Variants in BFAR observed in about 807,000 individuals in gnomAD.
BFAR encodes the protein RING finger protein 47.
BFAR carries 52 observed loss-of-function variants against 54.4 expected under a neutral mutation model. That is an observed-to-expected ratio of 0.96 (90% CI 0.77 to 1.21). BFAR has a LOEUF of 1.21. BFAR is among the 50% of genes most tolerant of loss of function. The probability of loss-of-function intolerance (pLI) is 0.00; values close to 1 mark genes in which losing one functional copy is unlikely to be tolerated. For missense variants in BFAR, 571 were observed against 534.0 expected (o/e 1.07, Z -0.68); for synonymous variants, 215 against 204.3 (o/e 1.05, Z -0.45).
chr16:14,647,685 A>G (rs558106544), intron 2 of BFAR, among the ~76,000 whole-genome samples: 1 of 151,762 alleles, frequency 6.6e-6, no homozygotes, highest in East Asian at 2.0e-4. Context: ...CTCAAAAAAA[A>G]AAAAAAACAA....
rs376559546 is a variant in BFAR at position 14,644,668 on chromosome 16, C to CTT, written c.263+76_263+77dup. ...CCCATAAAATGTGGTTTCTCTCTTG[C>CTT]TTTTTTTTTTTTTTTTTTAACAGAG... On this transcript the variant is annotated intron_variant, in intron 2 of 7. Coordinates refer to ENST00000261658, the MANE Select transcript of BFAR (RefSeq NM_016561.3). 1,222 of 1,329,092 alleles carry CTT rather than the reference C, an allele frequency of 9.2e-4. 1 individual carries two copies. Among genetic ancestry groups the CTT allele is most frequent in the Admixed American group, 4.8e-3 (211 of 43,576 alleles). The allele number at this position is 1,329,092 out of a possible 1,614,324, so 82.3% of individuals were successfully genotyped here. A position where few individuals can be genotyped will look rare whatever the true frequency, so the allele number is the denominator to read the frequency against.
At chr16:14,637,862 A>G (rs1959501599) in intron 1 of BFAR, among the ~76,000 whole-genome samples, 1 of 150,922 alleles carries the variant, frequency 6.6e-6, no homozygotes, top group Non-Finnish European at 1.5e-5. Flanking sequence ...TTTTTCCTGC[A>G]ATGTATTTTA....
At chr16:14,657,402 C>T (rs1960159339) in intron 5 of BFAR, among the ~76,000 whole-genome samples, 1 of 151,874 alleles carries the variant, frequency 6.6e-6, no homozygotes, top group Non-Finnish European at 1.5e-5. Context: ...GCGCCCACCA[C>T]CGTGCCCGGC....
At chr16:14,651,253 T>C (rs758366546) in intron 4 of BFAR, among the ~76,000 whole-genome samples, 5 of 152,322 alleles carry the variant, frequency 3.3e-5, no homozygotes, top group South Asian at 2.1e-4. Flanking sequence ...ATTCCCTCTT[T>C]GGGTTCAATT....
rs1279645808 is a variant in BFAR, at chr16:14,641,557, A to G, written c.-73-2717A>G. On this transcript the variant is annotated intron_variant, in intron 1 of 7. Coordinates refer to ENST00000261658, the MANE Select transcript of BFAR (RefSeq NM_016561.3). ...CAGAGTGAGACTCCATCTCAAAAAA[A>G]AAAAAAAAAAGTATACTATAGAGGC... is the stretch of plus-strand genomic sequence containing the variant. Among the ~76,000 whole-genome samples the G allele has an allele frequency of 2.0e-5, 3 of 150,538 alleles. No homozygotes were observed. The East Asian group carries it at 5.9e-4, about 30-fold the overall frequency.
chr16:14,664,963 G>A lies in BFAR; in HGVS notation c.1052G>A (p.Trp351Ter). 2 of 1,613,794 alleles carry A rather than the reference G, an allele frequency of 1.2e-6. No individual in the cohort carries two copies. The highest frequency in any genetic ancestry group is 1.1e-5 in the South Asian group (1 of 91,072). Residue 351 changes from tryptophan to a stop codon, truncating the protein, a stop_gained, in exon 7 of 8, where the codon TGG becomes TAG. Coordinates refer to ENST00000261658, the MANE Select transcript of BFAR (RefSeq NM_016561.3). LOFTEE classifies it high-confidence loss of function. Reference sequence around the variant, plus strand: ...CTGATTGCTGAGTTTGCTTGGGACTGGTTGGAGGTCCATTACTGGACATCA... The same window carrying A: ...CTGATTGCTGAGTTTGCTTGGGACTAGTTGGAGGTCCATTACTGGACATCA... ...YQLIAEFAWD[W>*]LEVHYWTSRF...
At chr16:14,642,241 C>T (rs971793243) in intron 1 of BFAR, among the ~76,000 whole-genome samples, 3 of 152,158 alleles carry the variant, frequency 2.0e-5, no homozygotes, top group African/African-American at 7.2e-5. Context: ...ATTTCTATAG[C>T]GCGTATTTAC....
chr16:14,644,421 T>C lies in BFAR; in HGVS notation c.75T>C (p.Pro25=). 2 of 1,613,968 alleles carry C rather than the reference T, an allele frequency of 1.2e-6. No homozygotes were observed. The highest frequency in any genetic ancestry group is 1.7e-6 in the Non-Finnish European group (2 of 1,179,920). Residue 25 remains proline (P), a synonymous_variant, in exon 2 of 8, where the codon CCT becomes CCC. Coordinates refer to ENST00000261658, the MANE Select transcript of BFAR (RefSeq NM_016561.3). ...ERDEPLKSTG[P]QISVSEFSCH... ...ATGAACCTCTCAAAAGCACCGGCCC[T>C]CAGATTTCTGTTAGTGAATTTTCTT...
intron 2 of BFAR, among the ~76,000 whole-genome samples, chr16:14,647,364 C>T (rs552111150): frequency 5.3e-5 from 8 of 152,104 alleles, no homozygotes; most frequent in African/African-American, 1.4e-4. Flanking sequence ...GGATTACAGG[C>T]GTGAGCCACC....
At chr16:14,653,846 G>A (rs1034510031) in intron 4 of BFAR, among the ~76,000 whole-genome samples, 1 of 150,624 alleles carries the variant, frequency 6.6e-6, no homozygotes, top group African/African-American at 2.4e-5. Context: ...TAATTAAAAC[G>A]ACAGGTGCAT....
intron 6 of BFAR, 59 bp downstream of exon 6, chr16:14,662,124 T>G: frequency 6.3e-7 from 1 of 1,585,812 alleles, no homozygotes; most frequent in Non-Finnish European, 8.6e-7. Context: ...TTGCAGAGAT[T>G]GCTACCCACC....
At chr16:14,639,924 C>T (rs368383802) in intron 1 of BFAR, among the ~76,000 whole-genome samples, 1 of 151,824 alleles carries the variant, frequency 6.6e-6, no homozygotes, top group Admixed American at 6.6e-5. Flanking sequence ...TTTGGGAGGT[C>T]GCGGTAGGCA....
chr16:14,655,203 A>G lies in BFAR; in HGVS notation c.776A>G (p.Glu259Gly), dbSNP rs757890136. The G allele has an allele frequency of 6.0e-5, 88 of 1,475,326 alleles. 2 individuals carry two copies. Among genetic ancestry groups the G allele is most frequent in the Non-Finnish European group, 6.5e-5 (72 of 1,114,794 alleles). 91.4% of individuals were successfully genotyped at this position (1,475,326 alleles called of 1,614,324 possible). A position where few individuals can be genotyped will look rare whatever the true frequency, so the allele number is the denominator to read the frequency against. The change falls in exon 5 of 8, where the codon GAA becomes GGA. Residue 259 changes from glutamate (E) to glycine (G), a missense_variant. By Grantham distance (98) the Glu-to-Gly change is moderately conservative. Coordinates refer to ENST00000261658, the MANE Select transcript of BFAR (RefSeq NM_016561.3). ...LGVKPPQNLW[E>G]YKAVNPGRSL... The stretch of plus-strand genomic sequence containing the variant: ...GTGAAGCCCCCCCAGAATCTCTGGG[A>G]ATATAAGGTGAACACTTTAATTTTT...
At chr16:14,652,683 C>T (rs747770167) in intron 4 of BFAR, among the ~76,000 whole-genome samples, 1 of 152,020 alleles carries the variant, frequency 6.6e-6, no homozygotes, top group African/African-American at 2.4e-5. Context: ...TGCTAGACAC[C>T]TTTCCAGATG....
In BFAR at chr16:14,642,601, T is replaced by C. The variant is rs138690590; in HGVS notation, c.-73-1673T>C. Among the ~76,000 whole-genome samples the C allele has an allele frequency of 5.6e-4, 86 of 152,288 alleles. 1 individual carries two copies. Among genetic ancestry groups the C allele is most frequent in the African/African-American group, 1.9e-3 (81 of 41,562 alleles). ...CTGGCTGGATCCAGAGGGCATGAGA[T>C]GCATTTTTTGGGTTGATTTGGAGGG... is the stretch of plus-strand genomic sequence containing the variant. On this transcript the variant is annotated intron_variant, in intron 1 of 7. Transcript: ENST00000261658.
At chr16:14,656,017 C>G (rs1043047407) in intron 5 of BFAR, among the ~76,000 whole-genome samples, 5 of 152,024 alleles carry the variant, frequency 3.3e-5, no homozygotes, top group African/African-American at 1.2e-4. Context: ...TGAGACCAGC[C>G]TGGCCAACGT....
rs755681016 is a variant in BFAR, at chr16:14,644,625, T to C, written c.263+16T>C. ...TTCTCCTCAGGTAATGTTCAGCCTA[T>C]ATTGGTAGCACAAACAGCCCATAAA... On this transcript the variant is annotated intron_variant, in intron 2 of 7. Transcript: ENST00000261658. 2 of 1,607,210 alleles carry C rather than the reference T, an allele frequency of 1.2e-6. No individual in the cohort carries two copies. Among genetic ancestry groups the C allele is most frequent in the South Asian group, 1.1e-5 (1 of 91,004 alleles).
At position 14,662,046 on chromosome 16, in the gene BFAR, A is replaced by G; in HGVS notation, c.938A>G (p.Asp313Gly). The G allele has an allele frequency of 6.2e-7, 1 of 1,614,164 alleles. No individual in the cohort carries two copies. Among genetic ancestry groups the G allele is most frequent in the Non-Finnish European group, 8.5e-7 (1 of 1,180,030 alleles). The change falls in exon 6 of 8, where the codon GAC (aspartate) becomes GGC (glycine). Residue 313 changes from aspartate to glycine, a missense_variant. Asp to Gly is a moderately conservative substitution (Grantham distance 94). Coordinates refer to ENST00000261658, the MANE Select transcript of BFAR (RefSeq NM_016561.3). The part of the protein sequence containing the change: ...CPLQEDSSGE[D>G]IVTKLLDLKE... ...CTGCAAGAAGACAGCTCTGGGGAGG[A>G]CATCGTCACCAAGCTTCTGGTAGGT... is the stretch of plus-strand genomic sequence containing the variant.
chr16:14,646,486 C>A (rs1959800150), intron 2 of BFAR, among the ~76,000 whole-genome samples: 1 of 151,738 alleles, frequency 6.6e-6, no homozygotes, highest in South Asian at 2.1e-4. Flanking sequence ...CTGTGCCTGG[C>A]CAAATGCCCA....
Sources: gnomAD v4.1 joint callset for allele counts (sites outside exome capture counted in the v4.1 genomes callset) on GRCh38, gnomAD v4.1.1 for gene constraint, MANE v1.5 for transcripts, NCBI Gene and HGNC (gene_info 2026-07-23, HGNC 2026-07-21) for gene names.